GCNT2: variants seen among roughly 807,000 people sequenced by gnomAD.
GCNT2 encodes the protein glucosaminyl (N-acetyl) transferase 2 (I blood group), also known as N-acetyllactosaminide beta-1,6-N-acetylglucosaminyl-transferase.
Under a neutral mutation model 34.2 loss-of-function variants are expected in GCNT2, and 34 were observed. The ratio of observed to expected loss-of-function variants is 1.00; its 90% CI spans 0.76 to 1.32. GCNT2 has a LOEUF of 1.32. Ranked by LOEUF, GCNT2 falls within the 40% of genes most tolerant of loss-of-function variation. The pLI is 0.00. For synonymous variants in GCNT2, 212 were observed against 188.0 expected (o/e 1.13, Z -1.04); for missense variants, 584 against 489.4 (o/e 1.19, Z -1.82).
chr6:10,545,728 TGTC>T (rs1286296956), intron 3 of GCNT2, among the ~76,000 whole-genome samples: 2 of 152,172 alleles, frequency 1.3e-5, no homozygotes, highest in African/African-American at 4.8e-5. Context: ...GAGACTCAAG[TGTC>T]TTCAGCTTTG....
chr6:10,578,949 C>T (rs1249135294), intron 3 of GCNT2, among the ~76,000 whole-genome samples: 1 of 152,124 alleles, frequency 6.6e-6, no homozygotes, highest in African/African-American at 2.4e-5. Context: ...GTTGACTAAA[C>T]CCTGCTTCTG....
chr6:10,614,538 A>C (rs988145822), intron 3 of GCNT2, among the ~76,000 whole-genome samples: 4 of 151,654 alleles, frequency 2.6e-5, no homozygotes, highest in Admixed American at 2.0e-4. Flanking sequence ...AAGCAGGAGA[A>C]TCACTTGAAG....
chr6:10,593,321 A>G (rs576439159), intron 3 of GCNT2, among the ~76,000 whole-genome samples: 3 of 152,212 alleles, frequency 2.0e-5, no homozygotes, highest in African/African-American at 7.2e-5. Flanking sequence ...AGTTTTTTCT[A>G]GAAGCAGGAG....
At chr6:10,625,938 C>G (rs9467005) in intron 4 of GCNT2, among the ~76,000 whole-genome samples, 6,191 of 152,182 alleles carry the variant, frequency 0.041, 369 homozygotes, top group African/African-American at 0.13. Context: ...AATAAAAGTT[C>G]TGTGAATAAA....
At chr6:10,571,983 TTC>T (rs768039516) in intron 3 of GCNT2, among the ~76,000 whole-genome samples, 8 of 152,324 alleles carry the variant, frequency 5.3e-5, no homozygotes, top group Non-Finnish European at 1.0e-4. Flanking sequence ...CAGTAATACC[TTC>T]AGTAGTAATT....
intron 3 of GCNT2, among the ~76,000 whole-genome samples, chr6:10,531,068 C>T (rs1476338623): frequency 6.6e-6 from 1 of 150,578 alleles, no homozygotes; most frequent in Non-Finnish European, 1.5e-5. Context: ...GATTTCTAGA[C>T]TAGTACCTCC....
chr6:10,554,610 A>G (rs911492379), intron 3 of GCNT2, among the ~76,000 whole-genome samples: 3 of 152,178 alleles, frequency 2.0e-5, no homozygotes, highest in African/African-American at 7.2e-5. Flanking sequence ...ATACTGAATT[A>G]CTCTCTTTTG....
chr6:10,533,982 T>A (rs1221408395), intron 3 of GCNT2, among the ~76,000 whole-genome samples: 1 of 151,562 alleles, frequency 6.6e-6, no homozygotes, highest in African/African-American at 2.4e-5. Context: ...CGTCCTCATG[T>A]CGCAGAGTCT....
At chr6:10,541,058 T>C (rs1211272702) in intron 3 of GCNT2, among the ~76,000 whole-genome samples, 3 of 152,168 alleles carry the variant, frequency 2.0e-5, no homozygotes, top group African/African-American at 7.2e-5. Context: ...ATGTGCAGGT[T>C]TGTTACATAG....
intron 3 of GCNT2, among the ~76,000 whole-genome samples, chr6:10,584,956 G>A (rs487757): frequency 6.6e-6 from 1 of 150,996 alleles, no homozygotes; most frequent in African/African-American, 2.4e-5. Flanking sequence ...TAAAATGTCA[G>A]TCCTAGGTTC....
In GCNT2 at chr6:10,611,417, G is replaced by A. The variant is rs532999250; in HGVS notation, c.926-9934G>A. Among the ~76,000 whole-genome samples, 22 of 149,742 alleles carry A rather than the reference G, an allele frequency of 1.5e-4. No individual in the cohort carries two copies. In the South Asian group the frequency reaches 3.8e-3, roughly 26 times the overall value. ...GCGATCTCAGCTCACTGAAACCTCC[G>A]CCTCCCGGATTCAAGCAATTCTCCT... On this transcript the variant is annotated intron_variant, in intron 3 of 4. Transcript: ENST00000495262.
At chr6:10,583,429 A>G (rs1441025816) in intron 3 of GCNT2, among the ~76,000 whole-genome samples, 1 of 152,066 alleles carries the variant, frequency 6.6e-6, no homozygotes, top group Non-Finnish European at 1.5e-5. Flanking sequence ...CACTCTTAAC[A>G]TGCCTCGTGT....
intron 3 of GCNT2, chr6:10,556,348 T>G (rs956004813): frequency 1.5e-5 from 24 of 1,604,198 alleles, no homozygotes; most frequent in Non-Finnish European, 2.0e-5. Flanking sequence ...AAATAAGAAC[T>G]CAGAGAAACG....
Position 10,529,072 on chromosome 6 carries a change from A to G in GCNT2, c.161A>G (p.Glu54Gly), listed in dbSNP as rs2113505598. 6.2e-7 allele frequency: 1 copy of G among 1,614,104 alleles called. No individual in the cohort carries two copies. The highest frequency in any genetic ancestry group is 1.3e-5 in the African/African-American group (1 of 75,016). The change falls in exon 3 of 5, where the codon GAG becomes GGG. Residue 54 changes from glutamate (E) to glycine (G), a missense_variant. Physicochemically the swap from Glu to Gly is moderately conservative, Grantham distance 98. Transcript: ENST00000495262. ...GCAGAAGCCTGTCATCAGATTTTTGAGGGGAAAGTTTTTTACCCAACAGAA... is the reference window on the plus strand; with the variant it reads ...GCAGAAGCCTGTCATCAGATTTTTGGGGGGAAAGTTTTTTACCCAACAGAA... ...LLAEACHQIFEGKVFYPTENA... is the reference protein window; with the variant it reads ...LLAEACHQIFGGKVFYPTENA...
intron 1 of GCNT2, among the ~76,000 whole-genome samples, chr6:10,523,505 A>T (rs1032825910): frequency 6.6e-6 from 1 of 151,616 alleles, no homozygotes; most frequent in Non-Finnish European, 1.5e-5. Context: ...TTTTTGTTAA[A>T]CGATCACAAC....
intron 3 of GCNT2, among the ~76,000 whole-genome samples, chr6:10,555,424 T>TA (rs899897751): frequency 1.3e-5 from 2 of 152,120 alleles, no homozygotes; most frequent in African/African-American, 4.8e-5. Context: ...TGGGCAGGCA[T>TA]ATGACACTTC....
intron 3 of GCNT2, among the ~76,000 whole-genome samples, chr6:10,550,798 A>C (rs1762446166): frequency 2.0e-5 from 3 of 152,196 alleles, no homozygotes. Context: ...GTAAATTATT[A>C]AACTCACCTG....
In GCNT2 at chr6:10,529,544, A is replaced by AG; in HGVS notation, c.636dup (p.Lys213GlufsTer11). 1 of 1,614,204 alleles carries AG rather than the reference A, an allele frequency of 6.2e-7. No individual in the cohort carries two copies. Among genetic ancestry groups the AG allele is most frequent in the Non-Finnish European group, 8.5e-7 (1 of 1,180,022 alleles). On this transcript the variant is annotated frameshift_variant, in exon 3 of 5. Transcript: ENST00000495262. LOFTEE classifies it high-confidence loss of function. ...TAGTTCAGTATCTGAAGGGATTTAAAGGGAAAAATATCACCCCCGGAGTGC... is the reference window on the plus strand; with the variant it reads ...TAGTTCAGTATCTGAAGGGATTTAAAGGGGAAAAATATCACCCCCGGAGTGC...
chr6:10,543,984 C>A (rs1762152152), intron 3 of GCNT2, among the ~76,000 whole-genome samples: 1 of 152,084 alleles, frequency 6.6e-6, no homozygotes, highest in African/African-American at 2.4e-5. Context: ...ACTCCTAAAT[C>A]CTGTGACCAA....
Sources: gnomAD v4.1 joint callset for allele counts (sites outside exome capture counted in the v4.1 genomes callset) on GRCh38, gnomAD v4.1.1 for gene constraint, MANE v1.5 for transcripts, NCBI Gene and HGNC (gene_info 2026-07-23, HGNC 2026-07-21) for gene names.